The following HIP1 variants were observed in gnomAD, a reference collection of about 807,000 sequenced individuals.
HIP1 encodes huntingtin interacting protein 1, also known as huntingtin-interacting protein 1.
HIP1 carries 65 observed loss-of-function variants against 147.6 expected under a neutral mutation model. The ratio of observed to expected loss-of-function variants is 0.44; its 90% CI spans 0.36 to 0.54. HIP1 has a LOEUF of 0.54. Ranked by LOEUF, HIP1 falls within the 20% of genes least tolerant of loss-of-function variation. The pLI, the probability that HIP1 is intolerant of heterozygous loss-of-function variation, is 0.00. For synonymous variants in HIP1, 479 were observed against 504.0 expected (o/e 0.95, Z 0.67); for missense variants, 1,061 against 1,299.6 (o/e 0.82, Z 2.82).
chr7:75,550,508 C>T (rs1218910498), intron 22 of HIP1, among the ~76,000 whole-genome samples: 1 of 152,176 alleles, frequency 6.6e-6, no homozygotes, highest in African/African-American at 2.4e-5. Flanking sequence ...CACTCCTGGG[C>T]TCAAGTGATC....
At chr7:75,613,085 TCACA>T (rs143183301) in intron 1 of HIP1, among the ~76,000 whole-genome samples, 1 of 148,174 alleles carries the variant, frequency 6.7e-6, no homozygotes, top group Non-Finnish European at 1.5e-5. Context: ...CCAACTTGGG[TCACA>T]CACACACACA....
intron 9 of HIP1, among the ~76,000 whole-genome samples, chr7:75,565,237 A>G (rs1430613355): frequency 1.3e-5 from 2 of 152,046 alleles, no homozygotes; most frequent in Non-Finnish European, 2.9e-5. Flanking sequence ...GGTCTCAGAC[A>G]GCAGCCGTGT....
chr7:75,696,915 T>G (rs1009882472), intron 1 of HIP1, among the ~76,000 whole-genome samples: 7 of 151,620 alleles, frequency 4.6e-5, no homozygotes, highest in Non-Finnish European at 8.8e-5. Flanking sequence ...TTTTTCTCAC[T>G]TGCATATTTC....
chr7:75,594,773 C>CA, intron 2 of HIP1, among the ~76,000 whole-genome samples: 1 of 152,132 alleles, frequency 6.6e-6, no homozygotes, highest in Non-Finnish European at 1.5e-5. Flanking sequence ...GACTCCATCT[C>CA]AAAAATAAAC....
At chr7:75,666,995 T>C (rs1584935186) in intron 1 of HIP1, among the ~76,000 whole-genome samples, 1 of 152,210 alleles carries the variant, frequency 6.6e-6, no homozygotes, top group East Asian at 1.9e-4. Flanking sequence ...TATATGTATA[T>C]ATGTGTATAT....
intron 1 of HIP1, among the ~76,000 whole-genome samples, chr7:75,682,496 G>A (rs1584947576): frequency 6.6e-6 from 1 of 150,992 alleles, no homozygotes; most frequent in Non-Finnish European, 1.5e-5. Context: ...CTGGGCTTAA[G>A]CCATCCTTCT....
At chr7:75,697,257 T>G (rs1307731833) in intron 1 of HIP1, among the ~76,000 whole-genome samples, 4 of 152,102 alleles carry the variant, frequency 2.6e-5, no homozygotes, top group African/African-American at 9.7e-5. Flanking sequence ...TGTTCATTTT[T>G]AAGCCATTAA....
chr7:75,691,541 G>A (rs1265455679), intron 1 of HIP1, among the ~76,000 whole-genome samples: 1 of 151,966 alleles, frequency 6.6e-6, no homozygotes, highest in Non-Finnish European at 1.5e-5. Context: ...GCTCATGCCT[G>A]TAATCCCAGC....
At chr7:75,541,879 G>T (rs376607958) in intron 29 of HIP1, 40 bp downstream of exon 29, 17 of 1,428,824 alleles carry the variant, frequency 1.2e-5, no homozygotes, top group Non-Finnish European at 1.5e-5. Flanking sequence ...TCCATGTCTA[G>T]GCAATAGAGG....
chr7:75,547,802 G>C lies in HIP1; in HGVS notation c.2418C>G (p.Ser806Arg). The C allele has an allele frequency of 6.2e-7, 1 of 1,613,654 alleles. No individual in the cohort carries two copies. Among genetic ancestry groups the C allele is most frequent in the South Asian group, 1.1e-5 (1 of 91,064 alleles). ...TATARIEEMLSKSRAGDTGVK... is the reference protein window; with the variant it reads ...TATARIEEMLRKSRAGDTGVK... Reference sequence around the variant, plus strand: ...CTCCTGTGTCTCCTGCTCGGGATTTGCTGAGCATCTCCTGTGAAAAAGAAG... The same window carrying C: ...CTCCTGTGTCTCCTGCTCGGGATTTCCTGAGCATCTCCTGTGAAAAAGAAG... The change falls in exon 24 of 31, where the codon AGC (serine) becomes AGG (arginine). Residue 806 changes from serine (S) to arginine (R), a missense_variant. By Grantham distance (110) the Ser-to-Arg change is moderately radical. This residue lies in a region of HIP1 where 810 missense variants were observed against 946.8 expected (regional missense o/e 0.86). Coordinates refer to ENST00000336926, the MANE Select transcript of HIP1 (RefSeq NM_005338.7).
At chr7:75,543,662 G>A (rs1372717878) in intron 27 of HIP1, among the ~76,000 whole-genome samples, 1 of 152,146 alleles carries the variant, frequency 6.6e-6, no homozygotes, top group Non-Finnish European at 1.5e-5. Flanking sequence ...CACTAATAAA[G>A]AGGGGTTGTA....
chr7:75,544,325 C>T lies in HIP1; in HGVS notation c.2766+370G>A, dbSNP rs191514005. Among the ~76,000 whole-genome samples the T allele has an allele frequency of 9.2e-5, 14 of 152,278 alleles. No individual in the cohort carries two copies. The East Asian group carries it at 2.5e-3, about 27-fold the overall frequency. On this transcript the variant is annotated intron_variant, in intron 27 of 30. Transcript: ENST00000336926. The stretch of plus-strand genomic sequence containing the variant: ...ATCATCCAAGTACTATCTAACCTAG[C>T]CAAGTACTCTCTAACTCCTAAGTAG...
rs1794869071 is a variant in HIP1, at chr7:75,553,500, T to C, written c.2248A>G (p.Ser750Gly). The C allele has an allele frequency of 6.2e-7, 1 of 1,614,120 alleles. No individual in the cohort carries two copies. Among genetic ancestry groups the C allele is most frequent in the East Asian group, 2.2e-5 (1 of 44,904 alleles). ...EEEGSLENADSTAMRNCLSKI... is the reference protein window; with the variant it reads ...EEEGSLENADGTAMRNCLSKI... ...CTCAGGCAGTTCCTCATGGCTGTGCTGTCGGCATTCTCAAGGCTTCCCTCT... is the reference window on the plus strand; with the variant it reads ...CTCAGGCAGTTCCTCATGGCTGTGCCGTCGGCATTCTCAAGGCTTCCCTCT... The change falls in exon 22 of 31, where the codon AGC becomes GGC. Residue 750 changes from serine to glycine, a missense_variant. This residue lies in a region of HIP1 where 810 missense variants were observed against 946.8 expected (regional missense o/e 0.86). Coordinates refer to ENST00000336926, the MANE Select transcript of HIP1 (RefSeq NM_005338.7).
chr7:75,624,862 TATTC>T (rs1296173037), intron 1 of HIP1, among the ~76,000 whole-genome samples: 3 of 152,216 alleles, frequency 2.0e-5, no homozygotes, highest in Non-Finnish European at 2.9e-5. Context: ...GTTATGATTT[TATTC>T]ATTCATTGAA....
intron 1 of HIP1, among the ~76,000 whole-genome samples, chr7:75,693,164 CA>C (rs201833622): frequency 0.026 from 3,102 of 118,720 alleles, 67 homozygotes; most frequent in African/African-American, 0.074. Flanking sequence ...AACCCTGTCT[CA>C]AAAAAAAAAA....
Position 75,538,215 on chromosome 7 carries a change from G to A in HIP1, c.3071C>T (p.Ala1024Val). The A allele has an allele frequency of 6.2e-7, 1 of 1,612,670 alleles. No homozygotes were observed. Among genetic ancestry groups the A allele is most frequent in the Non-Finnish European group, 8.5e-7 (1 of 1,178,748 alleles). Reference sequence around the variant, plus strand: ...CACTTCTTGCAGTGTAGGTGGAGATGCCTCTGTTCCTAAAAGACAATGATA... The same window carrying A: ...CACTTCTTGCAGTGTAGGTGGAGATACCTCTGTTCCTAAAAGACAATGATA... ...VAEGWEEGTE[A>V]SPPTLQEVVT... Residue 1024 changes from alanine to valine, a missense_variant, in exon 31 of 31, where the codon GCA becomes GTA. By Grantham distance (64) the Ala-to-Val change is moderately conservative. This residue lies in a region of HIP1 where 810 missense variants were observed against 946.8 expected (regional missense o/e 0.86). Coordinates refer to ENST00000336926, the MANE Select transcript of HIP1 (RefSeq NM_005338.7).
chr7:75,682,263 A>AT (rs1491075563), intron 1 of HIP1, among the ~76,000 whole-genome samples: 2 of 147,984 alleles, frequency 1.4e-5, no homozygotes, highest in East Asian at 2.0e-4. Flanking sequence ...GCCTATCATC[A>AT]TTTTTTTTTA....
At chr7:75,552,045 A>G (rs1554492259) in intron 22 of HIP1, among the ~76,000 whole-genome samples, 1 of 151,858 alleles carries the variant, frequency 6.6e-6, no homozygotes, top group Non-Finnish European at 1.5e-5. Context: ...GCCTACCATC[A>G]CGCCTGGCTA....
At chr7:75,569,016 C>T (rs1207215077) in intron 8 of HIP1, among the ~76,000 whole-genome samples, 2 of 151,626 alleles carry the variant, frequency 1.3e-5, no homozygotes, top group African/African-American at 4.8e-5. Flanking sequence ...AAAAAAAGAA[C>T]AAGGGATTGA....
Sources: gnomAD v4.1 joint callset for allele counts (sites outside exome capture counted in the v4.1 genomes callset) on GRCh38, gnomAD v4.1.1 for gene constraint, gnomAD v4.1.1 regional missense constraint, MANE v1.5 for transcripts, NCBI Gene and HGNC (gene_info 2026-07-23, HGNC 2026-07-21) for gene names.